Variants in GRM8 observed in about 807,000 individuals in gnomAD.
GRM8 encodes the protein metabotropic glutamate receptor 8.
GRM8 carries 47 observed loss-of-function variants against 87.2 expected under a neutral mutation model. The observed-to-expected ratio is 0.54, with a 90% CI of 0.43 to 0.69. GRM8 has a LOEUF of 0.69. GRM8 is among the 30% of genes least tolerant of loss of function. The pLI, the probability that GRM8 is intolerant of heterozygous loss-of-function variation, is 0.00. For missense variants in GRM8, 1,019 were observed against 1,139.2 expected (o/e 0.89, Z 1.52); for synonymous variants, 396 against 404.5 (o/e 0.98, Z 0.25).
At chr7:127,139,903 G>A (rs1170505397) in intron 2 of GRM8, among the ~76,000 whole-genome samples, 4 of 152,174 alleles carry the variant, frequency 2.6e-5, no homozygotes, top group South Asian at 2.1e-4. Context: ...CACAACTGGC[G>A]ACAATGTGCC....
chr7:126,767,097 T>C (rs1280554007), intron 7 of GRM8, among the ~76,000 whole-genome samples: 2 of 152,154 alleles, frequency 1.3e-5, no homozygotes, highest in African/African-American at 4.8e-5. Context: ...TTCTTGTTTT[T>C]TAACAGATTG....
chr7:126,741,626 C>T (rs991151597), intron 7 of GRM8, among the ~76,000 whole-genome samples: 3 of 152,176 alleles, frequency 2.0e-5, no homozygotes, highest in African/African-American at 7.2e-5. Flanking sequence ...ATGACAAGAA[C>T]AAAAGTTCTG....
intron 9 of GRM8, among the ~76,000 whole-genome samples, chr7:126,480,064 G>C (rs1455185807): frequency 6.6e-6 from 1 of 152,074 alleles, no homozygotes; most frequent in Non-Finnish European, 1.5e-5. Context: ...GGGTGAAGAA[G>C]AAAGGAAATG....
At chr7:126,669,829 G>A (rs1430643960) in intron 7 of GRM8, among the ~76,000 whole-genome samples, 2 of 152,156 alleles carry the variant, frequency 1.3e-5, no homozygotes, top group African/African-American at 4.8e-5. Context: ...GTTATAAGAA[G>A]GCATGGAAAT....
intron 6 of GRM8, among the ~76,000 whole-genome samples, chr7:126,814,330 C>T (rs1476924903): frequency 6.6e-6 from 1 of 152,042 alleles, no homozygotes; most frequent in African/African-American, 2.4e-5. Flanking sequence ...GTTCTTGAAC[C>T]TCCCCTGTAA....
chr7:126,875,494 C>T (rs1388593792), intron 6 of GRM8, among the ~76,000 whole-genome samples: 1 of 152,074 alleles, frequency 6.6e-6, no homozygotes, highest in African/African-American at 2.4e-5. Flanking sequence ...AATAGCAATC[C>T]AATTTAAGAA....
chr7:126,515,471 G>A (rs573677870), intron 9 of GRM8, among the ~76,000 whole-genome samples: 7 of 152,140 alleles, frequency 4.6e-5, no homozygotes, highest in Middle Eastern at 3.4e-3. Context: ...TCCTATTGCT[G>A]TTATAACAAA....
chr7:126,783,682 A>G (rs540019107), intron 6 of GRM8, among the ~76,000 whole-genome samples: 6 of 152,372 alleles, frequency 3.9e-5, no homozygotes, highest in Non-Finnish European at 7.3e-5. Flanking sequence ...ATAAATATAC[A>G]TAAAAGGTAG....
At chr7:126,476,962 A>G (rs1271006921) in intron 9 of GRM8, among the ~76,000 whole-genome samples, 1 of 152,164 alleles carries the variant, frequency 6.6e-6, no homozygotes, top group Admixed American at 6.6e-5. Context: ...CATTATTCAC[A>G]ATAGCAGAGA....
intron 3 of GRM8, among the ~76,000 whole-genome samples, chr7:127,018,809 G>A (rs765551631): frequency 3.3e-5 from 5 of 151,806 alleles, no homozygotes; most frequent in Non-Finnish European, 7.4e-5. Context: ...GTAACATGAG[G>A]CAACCATAAG....
chr7:126,554,987 G>C (rs533332823), intron 8 of GRM8, among the ~76,000 whole-genome samples: 1 of 152,240 alleles, frequency 6.6e-6, no homozygotes, highest in East Asian at 1.9e-4. Flanking sequence ...CCTCTTTTTA[G>C]AATGGAAATG....
chr7:126,915,068 C>T lies in GRM8; in HGVS notation c.728-10385G>A, dbSNP rs186324697. On this transcript the variant is annotated intron_variant, in intron 3 of 10. Transcript: ENST00000339582. ...TCGGGTCTAGGTAGGTTCACAGGGTCAGCGTCCACGCTGGGCTCTCACTCA... is the reference window on the plus strand; with the variant it reads ...TCGGGTCTAGGTAGGTTCACAGGGTTAGCGTCCACGCTGGGCTCTCACTCA... 3.0e-3 allele frequency among the ~76,000 whole-genome samples: 463 copies of T among 152,308 alleles called. 1 individual carries two copies. The highest frequency in any genetic ancestry group is 4.6e-3 in the Non-Finnish European group (314 of 68,026).
At chr7:127,100,432 C>G (rs948013585) in intron 3 of GRM8, among the ~76,000 whole-genome samples, 11 of 152,212 alleles carry the variant, frequency 7.2e-5, no homozygotes, top group Admixed American at 5.2e-4. Context: ...AGAGAACACT[C>G]TACCATACTG....
intron 8 of GRM8, among the ~76,000 whole-genome samples, chr7:126,572,494 G>T (rs1794768519): frequency 1.3e-5 from 2 of 152,076 alleles, no homozygotes; most frequent in South Asian, 4.1e-4. Flanking sequence ...TCCTACAAAG[G>T]TATTTGACTT....
intron 7 of GRM8, among the ~76,000 whole-genome samples, chr7:126,630,082 G>T (rs188466693): frequency 7.3e-5 from 11 of 151,244 alleles, no homozygotes; most frequent in African/African-American, 2.7e-4. Context: ...GATAAAACAT[G>T]AAATTCTTAA....
At position 126,446,382 on chromosome 7, in the gene GRM8, G is replaced by GGA; in HGVS notation, c.2431-11_2431-10insTC. ...TTGTCTGGATGTACATCTGAGGGAA[G>GGA]AAAAAAAAAAGAATCACTGTTGGTA... is the stretch of plus-strand genomic sequence containing the variant. On this transcript the variant is annotated splice_polypyrimidine_tract_variant and intron_variant, in intron 9 of 10. Transcript: ENST00000339582. 7.1e-7 allele frequency: 1 copy of GGA among 1,415,060 alleles called. No homozygotes were observed. Among genetic ancestry groups the GGA allele is most frequent in the Non-Finnish European group, 9.6e-7 (1 of 1,047,018 alleles). The allele number at this position is 1,415,060 out of a possible 1,614,324, so 87.7% of individuals were successfully genotyped here. A position where few individuals can be genotyped will look rare whatever the true frequency, so the allele number is the denominator to read the frequency against.
intron 9 of GRM8, among the ~76,000 whole-genome samples, chr7:126,467,140 T>A (rs558414991): frequency 6.6e-6 from 1 of 151,724 alleles, no homozygotes; most frequent in Non-Finnish European, 1.5e-5. Context: ...GCTATCCCTC[T>A]CCTAGCCCCC....
At chr7:127,034,556 A>C (rs921490289) in intron 3 of GRM8, among the ~76,000 whole-genome samples, 6 of 152,166 alleles carry the variant, frequency 3.9e-5, no homozygotes, top group Admixed American at 3.9e-4. Context: ...CTTCATATCC[A>C]GACCTAAATG....
chr7:126,577,126 G>C (rs999207499), intron 8 of GRM8, among the ~76,000 whole-genome samples: 3 of 152,156 alleles, frequency 2.0e-5, no homozygotes, highest in Non-Finnish European at 4.4e-5. Context: ...GAGTACTGGT[G>C]GTTTCTAAGT....
Sources: allele counts gnomAD v4.1 joint callset (sites outside exome capture counted in the v4.1 genomes callset), GRCh38; gene constraint gnomAD v4.1.1; transcripts MANE v1.5; gene names NCBI Gene and HGNC (gene_info 2026-07-23, HGNC 2026-07-21).